Variants in STARD9 observed in about 807,000 individuals in gnomAD.
STARD9 encodes StAR related lipid transfer domain containing 9.
Under a neutral mutation model 399.8 loss-of-function variants are expected in STARD9, and 346 were observed. That is an observed-to-expected ratio of 0.87 (90% CI 0.79 to 0.95). STARD9 has a LOEUF of 0.95. Among genes scored for constraint, STARD9 ranks in the 40% least tolerant of loss-of-function variants. The pLI is 0.00. For missense variants in STARD9, 5,832 were observed against 5,667.5 expected (o/e 1.03, Z -0.93); for synonymous variants, 2,203 against 2,143.5 (o/e 1.03, Z -0.77).
At chr15:42,672,216 G>A (rs1432390024) in intron 16 of STARD9, 1 of 152,280 alleles carries the variant, frequency 6.6e-6, no homozygotes, top group Non-Finnish European at 1.5e-5. Context: ...TGGCAACTCG[G>A]AAGCTGTTTT....
rs906256974 is a variant in STARD9, at chr15:42,641,327, C to G, written c.559+2515C>G. On this transcript the variant is annotated intron_variant, in intron 7 of 32. Transcript: ENST00000290607. ...GTTTCTTGAAGCCATTCTGGACTTT[C>G]TTAAACCATTACAAATACAGGTGGA... Among the ~76,000 whole-genome samples, 11 of 152,136 alleles carry G rather than the reference C, an allele frequency of 7.2e-5. 1 individual carries two copies. Among genetic ancestry groups the G allele is most frequent in the African/African-American group, 2.7e-4 (11 of 41,442 alleles).
intron 28 of STARD9, 130 bp from the exon 29 acceptor site, chr15:42,717,601 G>T: frequency 4.9e-6 from 4 of 809,634 alleles, no homozygotes; most frequent in Non-Finnish European, 8.2e-6. Context: ...CTCCAGCCTG[G>T]GTGACAGAGC....
intron 26 of STARD9, among the ~76,000 whole-genome samples, chr15:42,713,401 G>A (rs2061287424): frequency 6.6e-6 from 1 of 152,080 alleles, no homozygotes; most frequent in South Asian, 2.1e-4. Flanking sequence ...TGTCTTGCCA[G>A]TTGTGCTGGC....
intron 20 of STARD9, 59 bp from the exon 21 acceptor site, chr15:42,681,363 G>C (rs1484820789): frequency 1.3e-6 from 2 of 1,493,184 alleles, no homozygotes; most frequent in African/African-American, 2.8e-5. Context: ...ACTGCTATCA[G>C]TTTGTCCTGA....
chr15:42,626,324 C>CTCCTCTTCCTCGTCT (rs2059213892), intron 3 of STARD9, among the ~76,000 whole-genome samples: 1 of 126,926 alleles, frequency 7.9e-6, no homozygotes, highest in South Asian at 2.8e-4. Flanking sequence ...CCTCTTCTTC[C>CTCCTCTTCCTCGTCT]TCCTCTTCCT....
At chr15:42,583,071 T>A (rs2058206989) in intron 1 of STARD9, among the ~76,000 whole-genome samples, 2 of 152,172 alleles carry the variant, frequency 1.3e-5, no homozygotes, top group African/African-American at 2.4e-5. Flanking sequence ...TAGCGTAAGA[T>A]GAAGAACAAT....
At chr15:42,578,174 G>T (rs1462256266) in intron 1 of STARD9, among the ~76,000 whole-genome samples, 3 of 150,898 alleles carry the variant, frequency 2.0e-5, no homozygotes, top group Non-Finnish European at 4.4e-5. Context: ...GCAATGGCGC[G>T]ATCTCAGCTC....
chr15:42,674,740 T>G (rs2060274837), intron 17 of STARD9, 87 bp from the exon 18 acceptor site: 1 of 1,441,172 alleles, frequency 6.9e-7, no homozygotes, highest in East Asian at 2.5e-5. Flanking sequence ...GTCTTCCAGA[T>G]TTTGGATTCT....
chr15:42,712,096 T>TATATATAA (rs1566966126), intron 26 of STARD9, among the ~76,000 whole-genome samples: 36 of 504 alleles, frequency 0.071, 1 homozygote, highest in African/African-American at 0.12. Context: ...TATATATATA[T>TATATATAA]AATATATAAT....
chr15:42,694,375 A>AGG, intron 23 of STARD9, 33 bp downstream of exon 23: 1 of 1,535,238 alleles, frequency 6.5e-7, no homozygotes, highest in Non-Finnish European at 8.7e-7. Context: ...CGGGAGGGGA[A>AGG]GGGGTGGGCT....
intron 16 of STARD9, chr15:42,672,670 T>A (rs2060225093): frequency 7.0e-6 from 1 of 142,018 alleles, no homozygotes; most frequent in Non-Finnish European, 1.5e-5. Context: ...CAGAGGGGCA[T>A]GCAGTGCGGA....
At chr15:42,669,439 A>T in intron 16 of STARD9, 102 bp downstream of exon 16, 1 of 1,087,994 alleles carries the variant, frequency 9.2e-7, no homozygotes, top group East Asian at 2.6e-5. Flanking sequence ...ATTGAAATCA[A>T]GACAGATGCT....
rs1479366427 is a variant in STARD9, at chr15:42,688,416, A to G, written c.6838A>G (p.Met2280Val). 6 of 1,537,574 alleles carry G rather than the reference A, an allele frequency of 3.9e-6. No individual in the cohort carries two copies. The highest frequency in any genetic ancestry group is 1.2e-5 in the South Asian group (1 of 84,070). The change falls in exon 23 of 33, where the codon ATG becomes GTG. Residue 2280 changes from methionine (M) to valine (V), a missense_variant. This residue lies in a region of STARD9 where 5,828 missense variants were observed against 5,651.1 expected (regional missense o/e 1.03). Transcript: ENST00000290607. ...KAQGKVEEMP[M>V]QRGGSLQEEN... Reference sequence around the variant, plus strand: ...TCAAGGTAAAGTTGAAGAAATGCCTATGCAAAGGGGAGGCAGCCTTCAGGA... The same window carrying G: ...TCAAGGTAAAGTTGAAGAAATGCCTGTGCAAAGGGGAGGCAGCCTTCAGGA...
chr15:42,665,976 T>C (rs2060093538), intron 15 of STARD9, 128 bp downstream of exon 15: 2 of 786,884 alleles, frequency 2.5e-6, no homozygotes, highest in Non-Finnish European at 4.2e-6. Context: ...ACAATGTTTG[T>C]TTCCTTTAAG....
At chr15:42,599,843 T>C (rs2058587184) in intron 3 of STARD9, among the ~76,000 whole-genome samples, 1 of 152,220 alleles carries the variant, frequency 6.6e-6, no homozygotes, top group Non-Finnish European at 1.5e-5. Context: ...ACAGTCTTAT[T>C]GGGATTACCA....
At chr15:42,584,284 C>G (rs973206878) in intron 2 of STARD9, among the ~76,000 whole-genome samples, 1 of 152,178 alleles carries the variant, frequency 6.6e-6, no homozygotes, top group Admixed American at 6.5e-5. Flanking sequence ...CATTAGTTCT[C>G]TGCTAAAAAA....
At chr15:42,598,384 G>T (rs941626161) in intron 3 of STARD9, among the ~76,000 whole-genome samples, 3 of 151,060 alleles carry the variant, frequency 2.0e-5, no homozygotes. Context: ...GTGGTTTCAT[G>T]GTGTGTTAGG....
At chr15:42,714,988 T>C (rs1040015494) in intron 26 of STARD9, among the ~76,000 whole-genome samples, 7 of 152,108 alleles carry the variant, frequency 4.6e-5, no homozygotes, top group Non-Finnish European at 1.0e-4. Flanking sequence ...ATTAGGTTAC[T>C]TAGGAATATA....
In STARD9 at chr15:42,682,015, TCCAGCC is replaced by T; in HGVS notation, c.2066-88_2066-83del. 6 of 884,894 alleles carry T rather than the reference TCCAGCC, an allele frequency of 6.8e-6. No homozygotes were observed. In the South Asian group the frequency reaches 1.0e-4, roughly 15 times the overall value. The allele number at this position is 884,894 out of a possible 1,614,324, so 54.8% of individuals were successfully genotyped here. On this transcript the variant is annotated intron_variant, in intron 21 of 32. Coordinates refer to ENST00000290607, the MANE Select transcript of STARD9 (RefSeq NM_020759.3). The stretch of plus-strand genomic sequence containing the variant: ...GGCCAGCTCTTTCACTCCACACAGG[TCCAGCC>T]ATGGCTGGAGGTATCTGAGTCCAGG...
Sources: gnomAD v4.1 joint callset for allele counts (sites outside exome capture counted in the v4.1 genomes callset) on GRCh38, gnomAD v4.1.1 for gene constraint, gnomAD v4.1.1 regional missense constraint, MANE v1.5 for transcripts, NCBI Gene and HGNC (gene_info 2026-07-23, HGNC 2026-07-21) for gene names.